NRG3: variants seen among roughly 807,000 people sequenced by gnomAD.
NRG3 encodes the protein neuregulin 3, also known as pro-neuregulin-3, membrane-bound isoform.
In NRG3, 31 loss-of-function variants were observed where a neutral mutation model predicts 66.9. The ratio of observed to expected loss-of-function variants is 0.46; its 90% CI spans 0.35 to 0.63. NRG3 has a LOEUF of 0.63. NRG3 is among the 20% of genes least tolerant of loss of function. The probability of loss-of-function intolerance (pLI) is 0.00; values close to 1 mark genes in which losing one functional copy is unlikely to be tolerated. For synonymous variants in NRG3, 393 were observed against 359.4 expected (o/e 1.09, Z -1.06); for missense variants, 910 against 878.9 (o/e 1.04, Z -0.45).
intron 2 of NRG3, among the ~76,000 whole-genome samples, chr10:82,603,240 G>C (rs2047744727): frequency 6.6e-6 from 1 of 152,108 alleles, no homozygotes; most frequent in African/African-American, 2.4e-5. Context: ...CATTGGGAAT[G>C]TGGCTGCTAG....
chr10:82,500,487 G>T (rs1844068697), intron 2 of NRG3, among the ~76,000 whole-genome samples: 1 of 152,114 alleles, frequency 6.6e-6, no homozygotes. Flanking sequence ...CTACCTTTTT[G>T]TAGGTTGAAT....
intron 4 of NRG3, among the ~76,000 whole-genome samples, chr10:82,889,469 A>G (rs1399991684): frequency 2.0e-5 from 3 of 152,218 alleles, no homozygotes; most frequent in Non-Finnish European, 1.5e-5. Context: ...ATCAAGATGC[A>G]TTTTATGTAT....
At chr10:82,009,899 G>C (rs928643047) in intron 1 of NRG3, among the ~76,000 whole-genome samples, 3 of 152,160 alleles carry the variant, frequency 2.0e-5, no homozygotes, top group Non-Finnish European at 4.4e-5. Flanking sequence ...CATGTATTAT[G>C]ACCTGGTCAT....
At chr10:82,254,684 A>G (rs1227162450) in intron 1 of NRG3, among the ~76,000 whole-genome samples, 1 of 151,314 alleles carries the variant, frequency 6.6e-6, no homozygotes, top group African/African-American at 2.4e-5. Flanking sequence ...CAAAACAAAA[A>G]CAAAAAACTC....
intron 4 of NRG3, among the ~76,000 whole-genome samples, chr10:82,871,869 C>A (rs760675000): frequency 2.0e-5 from 3 of 151,862 alleles, no homozygotes; most frequent in Non-Finnish European, 4.4e-5. Context: ...GACAGTTTTA[C>A]CTCTTCCCTT....
intron 3 of NRG3, among the ~76,000 whole-genome samples, chr10:82,803,698 G>A (rs569944031): frequency 1.3e-5 from 2 of 151,848 alleles, no homozygotes; most frequent in East Asian, 3.9e-4. Flanking sequence ...TTTCAAGTCA[G>A]ACATGCCCAT....
At chr10:82,935,139 G>C (rs1847931868) in intron 4 of NRG3, among the ~76,000 whole-genome samples, 1 of 152,204 alleles carries the variant, frequency 6.6e-6, no homozygotes, top group South Asian at 2.1e-4. Flanking sequence ...GCTGGAGAAT[G>C]CTGACTTGCA....
chr10:82,677,044 TTCTCTCTC>T (rs3040206), intron 2 of NRG3, among the ~76,000 whole-genome samples: 1 of 148,088 alleles, frequency 6.8e-6, no homozygotes, highest in East Asian at 2.0e-4. Context: ...CTTTCTTTCT[TTCTCTCTC>T]TCTCTCTCTC....
intron 1 of NRG3, chr10:82,232,452 C>G (rs1349271888): frequency 3.5e-6 from 1 of 284,140 alleles, no homozygotes; most frequent in East Asian, 7.4e-5. Flanking sequence ...CCTGACATCC[C>G]CACTCCCTCT....
At chr10:82,021,243 C>T (rs2062045536) in intron 1 of NRG3, among the ~76,000 whole-genome samples, 1 of 152,066 alleles carries the variant, frequency 6.6e-6, no homozygotes, top group African/African-American at 2.4e-5. Context: ...TGAGCTCTTA[C>T]AGCATGGTAA....
At chr10:82,429,067 G>A (rs1245012872) in intron 2 of NRG3, among the ~76,000 whole-genome samples, 10 of 151,904 alleles carry the variant, frequency 6.6e-5, no homozygotes, top group South Asian at 2.1e-4. Flanking sequence ...CAATTTACAT[G>A]TTAATTTATA....
chr10:81,931,529 G>T (rs1440848426), intron 1 of NRG3, among the ~76,000 whole-genome samples: 1 of 152,116 alleles, frequency 6.6e-6, no homozygotes, highest in Non-Finnish European at 1.5e-5. Context: ...TTGGGTTGTG[G>T]TCCCTCTCTC....
chr10:82,254,317 C>T (rs532818838), intron 1 of NRG3, among the ~76,000 whole-genome samples: 2 of 152,256 alleles, frequency 1.3e-5, no homozygotes, highest in South Asian at 2.1e-4. Flanking sequence ...ATACCTTGGA[C>T]TTGGTGTTAA....
At chr10:82,967,162 T>A (rs1851291611) in intron 6 of NRG3, among the ~76,000 whole-genome samples, 2 of 148,730 alleles carry the variant, frequency 1.3e-5, no homozygotes, top group South Asian at 4.2e-4. Context: ...TGTATATTTT[T>A]AAATAATAGA....
chr10:82,737,784 A>G (rs1192436137), intron 2 of NRG3, among the ~76,000 whole-genome samples: 1 of 152,174 alleles, frequency 6.6e-6, no homozygotes, highest in Non-Finnish European at 1.5e-5. Context: ...GCCCTGATTG[A>G]GCGAGCTATG....
chr10:82,070,533 A>C (rs997839901), intron 1 of NRG3, among the ~76,000 whole-genome samples: 3 of 152,174 alleles, frequency 2.0e-5, no homozygotes, highest in African/African-American at 7.2e-5. Context: ...AAAAATGTTA[A>C]ATGTTATTGT....
chr10:82,938,390 A>G (rs1375821304), intron 4 of NRG3, among the ~76,000 whole-genome samples: 1 of 152,074 alleles, frequency 6.6e-6, no homozygotes, highest in Non-Finnish European at 1.5e-5. Flanking sequence ...AGAGGAGAGA[A>G]CCCCTGCCTG....
chr10:82,440,780 A>G (rs1297715978), intron 2 of NRG3, among the ~76,000 whole-genome samples: 1 of 152,158 alleles, frequency 6.6e-6, no homozygotes, highest in Admixed American at 6.5e-5. Context: ...TTAAGACATT[A>G]TATTATATTA....
chr10:81,919,373 C>T lies in NRG3; in HGVS notation c.823+43210C>T, dbSNP rs534924752. Among the ~76,000 whole-genome samples the T allele has an allele frequency of 5.3e-5, 8 of 152,332 alleles. No homozygotes were observed. In the East Asian group the frequency reaches 1.5e-3, roughly 29 times the overall value. ...CTGCCTCTTAAACCTCTTTGAACGT[C>T]TCCTCCCTAATCTGTGATGGCAGAA... On this transcript the variant is annotated intron_variant, in intron 1 of 8. Coordinates refer to ENST00000372141, the MANE Select transcript of NRG3 (RefSeq NM_001010848.4).
Sources: gnomAD v4.1 joint callset for allele counts (sites outside exome capture counted in the v4.1 genomes callset) on GRCh38, gnomAD v4.1.1 for gene constraint, MANE v1.5 for transcripts, NCBI Gene and HGNC (gene_info 2026-07-23, HGNC 2026-07-21) for gene names.